The following PREX1 variants were observed in gnomAD, a reference collection of about 807,000 sequenced individuals.
PREX1 encodes the protein phosphatidylinositol 3,4,5-trisphosphate-dependent Rac exchanger 1 protein.
In PREX1, 41 loss-of-function variants were observed where a neutral mutation model predicts 198.3. That is an observed-to-expected ratio of 0.21 (90% CI 0.16 to 0.27). PREX1 has a LOEUF of 0.27. PREX1 is among the 10% of genes least tolerant of loss of function. The pLI is 1.00. For missense variants in PREX1, 1,620 were observed against 2,200.7 expected, an observed-to-expected ratio of 0.74 and a Z score of 5.28; for synonymous variants, 843 against 887.2, an observed-to-expected ratio of 0.95 and a Z score of 0.89.
intron 21 of PREX1, 58 bp downstream of exon 21, chr20:48,652,528 C>T: frequency 6.5e-7 from 1 of 1,536,192 alleles, no homozygotes; most frequent in East Asian, 2.4e-5. Flanking sequence ...GAGGACCCAG[C>T]CCCTCCGGAG....
intron 1 of PREX1, among the ~76,000 whole-genome samples, chr20:48,785,416 G>A (rs2122939173): frequency 6.6e-6 from 1 of 152,322 alleles, no homozygotes; most frequent in Non-Finnish European, 1.5e-5. Context: ...CTGCAAAGAT[G>A]CTGAGCGCCA....
At chr20:48,870,515 C>A in the PREX1 span, among the ~76,000 whole-genome samples, 1 of 152,230 alleles carries the variant, frequency 6.6e-6, no homozygotes, top group Admixed American at 6.5e-5. Flanking sequence ...TGCAAAGTCA[C>A]GTGGAGCCTT....
At chr20:48,855,024 G>GGGCTTAGTAATAACATACTTA in the PREX1 span, among the ~76,000 whole-genome samples, 1 of 152,090 alleles carries the variant, frequency 6.6e-6, no homozygotes, top group Admixed American at 6.5e-5. Context: ...GGCTGTTTTA[G>GGGCTTAGTAATAACATACTTA]GGCTTAGTAA....
chr20:48,663,845 CCT>C (rs1205539308), intron 15 of PREX1, among the ~76,000 whole-genome samples: 3 of 152,186 alleles, frequency 2.0e-5, no homozygotes, highest in South Asian at 2.1e-4. Flanking sequence ...CGCTGGCATC[CCT>C]GTTTCCTTCC....
intron 1 of PREX1, among the ~76,000 whole-genome samples, chr20:48,825,930 G>A (rs1226616195): frequency 1.4e-5 from 2 of 142,766 alleles, no homozygotes; most frequent in African/African-American, 2.6e-5. Context: ...ATTCTTACAG[G>A]CCTTCCTAGA....
intron 1 of PREX1, among the ~76,000 whole-genome samples, chr20:48,771,917 G>A (rs1284606441): frequency 6.6e-6 from 1 of 152,152 alleles, no homozygotes; most frequent in East Asian, 1.9e-4. Flanking sequence ...GTCTAGGCTG[G>A]GCGCGGTGGC....
At position 48,801,225 on chromosome 20, in the gene PREX1, T is replaced by C. The variant is rs2090385316; in HGVS notation, c.219+26417A>G. On this transcript the variant is annotated intron_variant, in intron 1 of 39. Coordinates refer to ENST00000371941, the MANE Select transcript of PREX1 (RefSeq NM_020820.4). ...ATGCCATCATAGGCAGCGTGGTCTT[T>C]TGTGGAAACCATGCGAGCTGCGTAA... Among the ~76,000 whole-genome samples the C allele has an allele frequency of 2.6e-5, 4 of 152,320 alleles. No individual in the cohort carries two copies. The South Asian group carries it at 8.3e-4, about 32-fold the overall frequency.
At chr20:48,694,842 T>C (rs1211778894) in intron 7 of PREX1, among the ~76,000 whole-genome samples, 1 of 152,160 alleles carries the variant, frequency 6.6e-6, no homozygotes. Context: ...CAGAATGGGA[T>C]GGACTTCAGT....
At chr20:48,693,931 A>G (rs1185440323) in intron 7 of PREX1, among the ~76,000 whole-genome samples, 1 of 150,074 alleles carries the variant, frequency 6.7e-6, no homozygotes, top group Non-Finnish European at 1.5e-5. Flanking sequence ...TATTTTTTTG[A>G]GATAGAGTCT....
chr20:48,745,136 C>A lies in PREX1; in HGVS notation c.303G>T (p.Ser101=). 1 of 1,613,884 alleles carries A rather than the reference C, an allele frequency of 6.2e-7. No homozygotes were observed. Among genetic ancestry groups the A allele is most frequent in the Non-Finnish European group, 8.5e-7 (1 of 1,179,878 alleles). ...LTEENVKVLF[S]NIEDILEVHK... ...GAACTTCCAGGATGTCTTCGATGTT[C>A]GAGAACAGGACCTGTGAGGAAAAGA... Residue 101 remains serine (S), a synonymous_variant, in exon 3 of 40, where the codon TCG becomes TCT. Coordinates refer to ENST00000371941, the MANE Select transcript of PREX1 (RefSeq NM_020820.4).
the PREX1 span, among the ~76,000 whole-genome samples, chr20:48,881,727 TG>T: frequency 1.3e-5 from 2 of 152,208 alleles, no homozygotes; most frequent in Non-Finnish European, 2.9e-5. Context: ...CTTTATGATC[TG>T]CCCACCTTGC....
chr20:48,705,457 GC>G (rs2089898588), intron 6 of PREX1, among the ~76,000 whole-genome samples: 2 of 152,150 alleles, frequency 1.3e-5, no homozygotes. Context: ...CCAAAAACAA[GC>G]CCCTTGTCAG....
chr20:48,823,309 C>A (rs570724032), intron 1 of PREX1, among the ~76,000 whole-genome samples: 32 of 151,730 alleles, frequency 2.1e-4, no homozygotes, highest in Admixed American at 1.4e-3. Flanking sequence ...AGCTGACACA[C>A]CCCATCATGG....
At chr20:48,789,696 G>A (rs2090328953) in intron 1 of PREX1, among the ~76,000 whole-genome samples, 1 of 152,194 alleles carries the variant, frequency 6.6e-6, no homozygotes, top group Non-Finnish European at 1.5e-5. Context: ...TTTTAAAAAG[G>A]GAGGAGGTTC....
At chr20:48,825,624 C>A (rs896717893) in intron 1 of PREX1, among the ~76,000 whole-genome samples, 1 of 151,996 alleles carries the variant, frequency 6.6e-6, no homozygotes, top group Non-Finnish European at 1.5e-5. Context: ...TAGATCTGTT[C>A]TAAAATGAAA....
At chr20:48,675,953 C>T (rs182820697) in intron 14 of PREX1, among the ~76,000 whole-genome samples, 2 of 151,720 alleles carry the variant, frequency 1.3e-5, no homozygotes, top group East Asian at 3.9e-4. Context: ...AGGAGAATTG[C>T]TTGAACCTGG....
At chr20:48,646,099 C>T in intron 25 of PREX1, 42 bp from the exon 26 acceptor site, 1 of 1,577,938 alleles carries the variant, frequency 6.3e-7, no homozygotes, top group Non-Finnish European at 8.6e-7. Context: ...ACAGGCCTGG[C>T]CCTTTGTGTC....
intron 1 of PREX1, among the ~76,000 whole-genome samples, chr20:48,791,520 C>G (rs1000326760): frequency 6.6e-6 from 1 of 152,198 alleles, no homozygotes; most frequent in African/African-American, 2.4e-5. Context: ...TTTTATGACC[C>G]TGGGGGGTGA....
At chr20:48,850,090 A>G in the PREX1 span, among the ~76,000 whole-genome samples, 14,513 of 152,272 alleles carry the variant, frequency 0.095, 836 homozygotes, top group Middle Eastern at 0.16. Context: ...TAGAGCAGCA[A>G]TGAGCACTTG....
Sources: gnomAD v4.1 joint callset for allele counts (sites outside exome capture counted in the v4.1 genomes callset) on GRCh38, gnomAD v4.1.1 for gene constraint, MANE v1.5 for transcripts, NCBI Gene and HGNC (gene_info 2026-07-23, HGNC 2026-07-21) for gene names.